The following ACAP2 variants were observed in gnomAD, a reference collection of about 807,000 sequenced individuals.
ACAP2 encodes arf-GAP with coiled-coil, ANK repeat and PH domain-containing protein 2.
A neutral mutation model predicts 115.8 loss-of-function variants in ACAP2; 39 were observed. The observed-to-expected ratio is 0.34, with a 90% confidence interval of 0.26 to 0.44. ACAP2 has a LOEUF of 0.44. ACAP2 is among the 20% of genes least tolerant of loss of function. ACAP2 has a pLI of 1.00. For synonymous variants in ACAP2, 289 were observed against 315.8 expected, an observed-to-expected ratio of 0.92 and a Z score of 0.90; for missense variants, 662 against 927.6, an observed-to-expected ratio of 0.71 and a Z score of 3.72.
At chr3:195,372,828 A>C (rs1221250405) in intron 4 of ACAP2, among the ~76,000 whole-genome samples, 1 of 151,940 alleles carries the variant, frequency 6.6e-6, no homozygotes, top group Non-Finnish European at 1.5e-5. Context: ...CAAAATAAAT[A>C]AACTCTGAAT....
chr3:195,386,560 C>T (rs549359341), intron 2 of ACAP2, among the ~76,000 whole-genome samples: 16 of 152,184 alleles, frequency 1.1e-4, no homozygotes, highest in Admixed American at 6.5e-4. Flanking sequence ...CCAAACACCG[C>T]GTGTTCTCAC....
intron 1 of ACAP2, among the ~76,000 whole-genome samples, chr3:195,441,574 A>G (rs1715994243): frequency 6.6e-6 from 1 of 152,218 alleles, no homozygotes; most frequent in Non-Finnish European, 1.5e-5. Flanking sequence ...AGAATAAGAA[A>G]TCCAATTAAC....
intron 6 of ACAP2, among the ~76,000 whole-genome samples, chr3:195,338,349 G>A (rs896832636): frequency 6.6e-6 from 1 of 152,074 alleles, no homozygotes; most frequent in African/African-American, 2.4e-5. Context: ...GAGTGCAGTG[G>A]CATGATCAGA....
At position 195,295,773 on chromosome 3, in the gene ACAP2, T is replaced by C. The variant is rs200135680; in HGVS notation, c.1607A>G (p.Glu536Gly). Residue 536 changes from glutamate (E) to glycine (G), a missense_variant, in exon 17 of 23, where the codon GAA (glutamate) becomes GGA (glycine). Around this residue, in one of 3 missense-constraint regions of ACAP2, gnomAD observed 133 missense variants for 123.1 expected, o/e 1.08. Coordinates refer to ENST00000326793, the MANE Select transcript of ACAP2 (RefSeq NM_012287.6). ...AAATTTAGAAATGCTCAGCCTCTTT[T>C]CTTCAGAACTTTTAGAGACAAACTT... is the stretch of plus-strand genomic sequence containing the variant. Reference protein sequence around the residue: ...QKKFVSKSSEEKRLSISKFGP... With the variant: ...QKKFVSKSSEGKRLSISKFGP... The C allele has an allele frequency of 8.1e-6, 13 of 1,614,178 alleles. No individual in the cohort carries two copies. Among genetic ancestry groups the C allele is most frequent in the Non-Finnish European group, 1.1e-5 (13 of 1,180,024 alleles).
At chr3:195,416,978 C>T (rs1577448142) in intron 1 of ACAP2, among the ~76,000 whole-genome samples, 1 of 150,528 alleles carries the variant, frequency 6.6e-6, no homozygotes. Flanking sequence ...TACAGTGACA[C>T]AATAATGACT....
chr3:195,397,688 G>A (rs915307968), intron 1 of ACAP2, among the ~76,000 whole-genome samples: 2 of 151,024 alleles, frequency 1.3e-5, no homozygotes, highest in African/African-American at 4.9e-5. Flanking sequence ...GTTGTGTTTC[G>A]GTTTCTTCTC....
chr3:195,279,737 A>G (rs1431806612), intron 22 of ACAP2: 2 of 176,512 alleles, frequency 1.1e-5, no homozygotes, highest in African/African-American at 4.7e-5. Context: ...ACGGGGGGGA[A>G]AAGTCATTCT....
intron 2 of ACAP2, 115 bp from the exon 3 acceptor site, chr3:195,382,137 C>T (rs1733986367): frequency 4.3e-6 from 4 of 935,696 alleles, no homozygotes; most frequent in South Asian, 1.6e-5. Context: ...TTTGTTTCAT[C>T]GATAAACTCA....
At chr3:195,409,116 A>AG (rs397775408) in intron 1 of ACAP2, among the ~76,000 whole-genome samples, 1 of 151,884 alleles carries the variant, frequency 6.6e-6, no homozygotes, top group Non-Finnish European at 1.5e-5. Flanking sequence ...AAAAAAAAAA[A>AG]GGAATCAAAT....
In ACAP2 at chr3:195,274,814, C is replaced by T. The variant is rs1726138421; in HGVS notation, c.*4514G>A. On this transcript the variant is annotated 3_prime_UTR_variant, in exon 23 of 23. Transcript: ENST00000326793. ...CATACAAATTACTTAAGTATATTTACAATTCTTACATAATGTACATTTTAG... is the reference window on the plus strand; with the variant it reads ...CATACAAATTACTTAAGTATATTTATAATTCTTACATAATGTACATTTTAG... 1 of 152,646 alleles carries T rather than the reference C, an allele frequency of 6.6e-6. No individual in the cohort carries two copies. Among genetic ancestry groups the T allele is most frequent in the South Asian group, 2.1e-4 (1 of 4,822 alleles). The allele number at this position is 152,646 out of a possible 1,614,324, so 9.5% of individuals were successfully genotyped here. A position where few individuals can be genotyped will look rare whatever the true frequency, so the allele number is the denominator to read the frequency against.
Position 195,381,078 on chromosome 3 carries a change from C to T in ACAP2, c.232-16G>A. ...TCAAACTTGTCTATGAGAAAAAAAGCAAAAGAAAACCAAATCATTTATGAG... is the reference window on the plus strand; with the variant it reads ...TCAAACTTGTCTATGAGAAAAAAAGTAAAAGAAAACCAAATCATTTATGAG... On this transcript the variant is annotated splice_polypyrimidine_tract_variant and intron_variant, in intron 3 of 22. Coordinates refer to ENST00000326793, the MANE Select transcript of ACAP2 (RefSeq NM_012287.6). 6.3e-7 allele frequency: 1 copy of T among 1,583,568 alleles called. No homozygotes were observed. Among genetic ancestry groups the T allele is most frequent in the Non-Finnish European group, 8.5e-7 (1 of 1,171,024 alleles).
intron 18 of ACAP2, 105 bp downstream of exon 18, chr3:195,294,606 AAATTATAT>A (rs1420275973): frequency 2.0e-3 from 185 of 91,812 alleles, no homozygotes; most frequent in South Asian, 3.2e-3. Flanking sequence ...AAAAAAAAAA[AAATTATAT>A]ATATATATAT....
chr3:195,303,147 C>T (rs1299024633), intron 13 of ACAP2, among the ~76,000 whole-genome samples: 2 of 151,986 alleles, frequency 1.3e-5, no homozygotes, highest in Admixed American at 6.6e-5. Context: ...ACCCAGGAAA[C>T]GGAGGTTGCA....
chr3:195,283,486 G>C (rs775058394), intron 22 of ACAP2, among the ~76,000 whole-genome samples: 6 of 152,150 alleles, frequency 3.9e-5, no homozygotes, highest in Non-Finnish European at 7.3e-5. Flanking sequence ...AATTTACCCA[G>C]AGTTCTGAGG....
intron 1 of ACAP2, among the ~76,000 whole-genome samples, chr3:195,441,530 T>C (rs1420731333): frequency 2.6e-5 from 4 of 152,222 alleles, no homozygotes; most frequent in African/African-American, 4.8e-5. Context: ...AGCAGTTCCT[T>C]AGTTTTACAA....
Position 195,292,374 on chromosome 3 carries a change from T to C in ACAP2, c.1844A>G (p.Tyr615Cys). 6.2e-7 allele frequency: 1 copy of C among 1,614,114 alleles called. No homozygotes were observed. The highest frequency in any genetic ancestry group is 2.2e-5 in the East Asian group (1 of 44,880). ...AGCCATTTTAGGAAGGTTTTTTTCA[T>C]ATGACGCCCTATAAAGCTGAAGTCC... The part of the protein sequence containing the change: ...NPGLQLYRAS[Y>C]EKNLPKMAEA... The change falls in exon 19 of 23, where the codon TAT becomes TGT. Residue 615 changes from tyrosine (Y) to cysteine (C), a missense_variant. Around this residue, in one of 3 missense-constraint regions of ACAP2, gnomAD observed 133 missense variants for 123.1 expected, o/e 1.08. Transcript: ENST00000326793.
intron 6 of ACAP2, among the ~76,000 whole-genome samples, chr3:195,341,288 T>C (rs1730848212): frequency 6.6e-6 from 1 of 151,470 alleles, no homozygotes; most frequent in Non-Finnish European, 1.5e-5. Flanking sequence ...TTCTAGTTTT[T>C]GGGTTTTTTC....
chr3:195,414,355 T>C (rs1237043618), intron 1 of ACAP2, among the ~76,000 whole-genome samples: 1 of 152,212 alleles, frequency 6.6e-6, no homozygotes, highest in Non-Finnish European at 1.5e-5. Context: ...GTGATCCTCC[T>C]GCCTCAGCCT....
At chr3:195,347,714 A>G (rs1301406774) in intron 4 of ACAP2, among the ~76,000 whole-genome samples, 1 of 152,242 alleles carries the variant, frequency 6.6e-6, no homozygotes, top group African/African-American at 2.4e-5. Context: ...TGACCTCAAG[A>G]AATAAAATCA....
Sources: gnomAD v4.1 joint callset for allele counts (sites outside exome capture counted in the v4.1 genomes callset) on GRCh38, gnomAD v4.1.1 for gene constraint, gnomAD v4.1.1 regional missense constraint, MANE v1.5 for transcripts, NCBI Gene and HGNC (gene_info 2026-07-23, HGNC 2026-07-21) for gene names.